The following NEURL4 variants were observed in gnomAD, a reference collection of about 807,000 sequenced individuals.
NEURL4 encodes neuralized-like protein 4.
In NEURL4, 45 loss-of-function variants were observed where a neutral mutation model predicts 148.0. That is an observed-to-expected ratio of 0.30 (90% CI 0.24 to 0.39). The LOEUF is 0.39. NEURL4 is among the 10% of genes least tolerant of loss of function. The pLI is 1.00. For missense variants in NEURL4, 1,776 were observed against 2,144.0 expected, an observed-to-expected ratio of 0.83 and a Z score of 3.39; for synonymous variants, 854 against 869.0, an observed-to-expected ratio of 0.98 and a Z score of 0.30.
chr17:7,329,247 A>ACCCCCCC lies in NEURL4; in HGVS notation c.65_66insGGGGGGG (p.Pro25TrpfsTer49). ...CTGAGCCGCTCCCGCTGGGGCCCCCACCCCCGCCCGGCCCCGGTCCAGGGC... is the reference window on the plus strand; with the variant it reads ...CTGAGCCGCTCCCGCTGGGGCCCCCACCCCCCCCCCCCGCCCGGCCCCGGTCCAGGGC... On this transcript the variant is annotated frameshift_variant, in exon 1 of 29. Coordinates refer to ENST00000399464, the MANE Select transcript of NEURL4 (RefSeq NM_032442.3). LOFTEE classifies it high-confidence loss of function. The ACCCCCCC allele has an allele frequency of 1.8e-6, 1 of 565,896 alleles. No individual in the cohort carries two copies. Among genetic ancestry groups the ACCCCCCC allele is most frequent in the Non-Finnish European group, 2.5e-6 (1 of 393,202 alleles). 35.1% of individuals were successfully genotyped at this position (565,896 alleles called of 1,614,324 possible).
In NEURL4 at chr17:7,326,267, C is replaced by G. The variant is rs2073101982; in HGVS notation, c.1281G>C (p.Leu427=). 9 of 1,613,982 alleles carry G rather than the reference C, an allele frequency of 5.6e-6. No homozygotes were observed. Among genetic ancestry groups the G allele is most frequent in the African/African-American group, 1.3e-5 (1 of 74,914 alleles). ...GCCCCACCCTCACCTGCAACTCATC[C>G]AGACTGAATTCGCAGTACTCCCGGC... is the stretch of plus-strand genomic sequence containing the variant. ...GTRREYCEFS[L]DELQEGDHIG... is the part of the protein sequence containing the mutation. The change falls in exon 6 of 29, where the codon CTG becomes CTC. Residue 427 remains leucine, a synonymous_variant. Transcript: ENST00000399464. This position sits in a 1 kb window ranked among gnomAD's most constrained non-coding sequence, Gnocchi z 6.0.
At position 7,315,969 on chromosome 17, in the gene NEURL4, C is replaced by G; in HGVS notation, c.*154G>C. Reference sequence around the variant, plus strand: ...GACATGGAGCTGTGCCACTTGCCACCTACATCTGAGAGCCTGCCTACATGC... The same window carrying G: ...GACATGGAGCTGTGCCACTTGCCACGTACATCTGAGAGCCTGCCTACATGC... On this transcript the variant is annotated 3_prime_UTR_variant, in exon 29 of 29. Transcript: ENST00000399464. 1.6e-6 allele frequency: 1 copy of G among 621,024 alleles called. No homozygotes were observed. Among genetic ancestry groups the G allele is most frequent in the Non-Finnish European group, 2.9e-6 (1 of 342,950 alleles). 38.5% of individuals were successfully genotyped at this position (621,024 alleles called of 1,614,324 possible).
In NEURL4 at chr17:7,324,656, C is replaced by T; in HGVS notation, c.1813+143G>A. The T allele has an allele frequency of 9.3e-7, 1 of 1,077,766 alleles. No individual in the cohort carries two copies. 66.8% of individuals were successfully genotyped at this position (1,077,766 alleles called of 1,614,324 possible). The stretch of plus-strand genomic sequence containing the variant: ...TGCAGCTTCCAAGACAGCCACAGCC[C>T]TGCCCACGGGACACTCTCTAGCCAC... On this transcript the variant is annotated intron_variant, in intron 9 of 28. Transcript: ENST00000399464. The surrounding 1 kb of genome is among the most constrained non-coding windows in gnomAD (Gnocchi z 5.9).
Position 7,326,907 on chromosome 17 carries a change from T to C in NEURL4, c.896A>G (p.Glu299Gly), listed in dbSNP as rs1597639420. The C allele has an allele frequency of 6.2e-7, 1 of 1,613,902 alleles. No homozygotes were observed. The highest frequency in any genetic ancestry group is 8.5e-7 in the Non-Finnish European group (1 of 1,179,966). The change falls in exon 4 of 29, where the codon GAA (glutamate) becomes GGA (glycine). Residue 299 changes from glutamate (E) to glycine (G), a missense_variant. By Grantham distance (98) the Glu-to-Gly change is moderately conservative (BLOSUM62 -2). Coordinates refer to ENST00000399464, the MANE Select transcript of NEURL4 (RefSeq NM_032442.3). This position sits in a 1 kb window ranked among gnomAD's most constrained non-coding sequence, Gnocchi z 6.0. ...NVNLSSPPAG[E>G]GLGSSGAATS... ...GGCAGCACCGCTAGATCCCAGGCCT[T>C]CCCCTGCCGGTGGGGAGCTCAGGTT...
chr17:7,321,723 G>A lies in NEURL4; in HGVS notation c.2936C>T (p.Ala979Val). The change falls in exon 18 of 29, where the codon GCA (alanine) becomes GTA (valine). Residue 979 changes from alanine to valine, a missense_variant. Coordinates refer to ENST00000399464, the MANE Select transcript of NEURL4 (RefSeq NM_032442.3). This position sits in a 1 kb window ranked among gnomAD's most constrained non-coding sequence, Gnocchi z 6.3. ...TGCCCCGGGTCCCATCTCCCCCGGT[G>A]CTAGTGTGGTCAGCCCCAGCCGCAG... is the stretch of plus-strand genomic sequence containing the variant. ...GSLRLGLTTL[A>V]PGEMGPGAGG... 1 of 1,613,726 alleles carries A rather than the reference G, an allele frequency of 6.2e-7. No homozygotes were observed. The highest frequency in any genetic ancestry group is 8.5e-7 in the Non-Finnish European group (1 of 1,180,050).
Position 7,317,351 on chromosome 17 carries a change from G to A in NEURL4, c.4338C>T (p.Ser1446=), listed in dbSNP as rs2072962645. ...CAGGTTCTCCCTTCAAAGGACGGCA[G>A]CTCAGGATGGAGGCAGTACCTGGGA... ...ELGAGTASIL[S]CRPLKGEPGV... Residue 1446 remains serine (S), a synonymous_variant, in exon 28 of 29, where the codon AGC becomes AGT. Transcript: ENST00000399464. 3 of 1,561,618 alleles carry A rather than the reference G, an allele frequency of 1.9e-6. No homozygotes were observed. In the East Asian group the frequency reaches 6.8e-5, roughly 35 times the overall value.
Position 7,315,808 on chromosome 17 carries a change from C to A in NEURL4, c.*315G>T, listed in dbSNP as rs570001593. The A allele has an allele frequency of 2.7e-4, 138 of 511,896 alleles. No individual in the cohort carries two copies. The highest frequency in any genetic ancestry group is 2.3e-3 in the African/African-American group (117 of 51,166). 31.7% of individuals were successfully genotyped at this position (511,896 alleles called of 1,614,324 possible). Reference sequence around the variant, plus strand: ...GATTCACAGTAACCAGAAACAAAAACGGAAATAAATTAAGTGATGTGGGGT... The same window carrying A: ...GATTCACAGTAACCAGAAACAAAAAAGGAAATAAATTAAGTGATGTGGGGT... On this transcript the variant is annotated 3_prime_UTR_variant, in exon 29 of 29. Coordinates refer to ENST00000399464, the MANE Select transcript of NEURL4 (RefSeq NM_032442.3).
chr17:7,319,403 T>TTA (rs1555539108), intron 21 of NEURL4, among the ~76,000 whole-genome samples, 195 bp from the exon 22 acceptor site: 1 of 131,440 alleles, frequency 7.6e-6, no homozygotes, highest in African/African-American at 3.3e-5. Flanking sequence ...TTTTTTTTTT[T>TTA]AAAAAAAAGA....
In NEURL4 at chr17:7,317,202, C is replaced by T. The variant is rs765693152; in HGVS notation, c.4484+3G>A. Reference sequence around the variant, plus strand: ...ATCTCTCCCCACCCCTCCCAGTACTCACTGCACTTTGGAGGCCAGGGTCTC... The same window carrying T: ...ATCTCTCCCCACCCCTCCCAGTACTTACTGCACTTTGGAGGCCAGGGTCTC... On this transcript the variant is annotated splice_donor_region_variant and intron_variant, in intron 28 of 28. Transcript: ENST00000399464. 1.3e-6 allele frequency: 2 copies of T among 1,506,562 alleles called. No homozygotes were observed. Among genetic ancestry groups the T allele is most frequent in the Non-Finnish European group, 1.8e-6 (2 of 1,130,018 alleles). The allele number at this position is 1,506,562 out of a possible 1,614,324, so 93.3% of individuals were successfully genotyped here. A position where few individuals can be genotyped will look rare whatever the true frequency, so the allele number is the denominator to read the frequency against.
Position 7,322,601 on chromosome 17 carries a change from G to T in NEURL4, c.2725+134C>A. Reference sequence around the variant, plus strand: ...CCCCTCACTGGCTGCTTGCCACCGTGGGCTGTCCCTTCCCTGGAGCCGGCA... The same window carrying T: ...CCCCTCACTGGCTGCTTGCCACCGTTGGCTGTCCCTTCCCTGGAGCCGGCA... On this transcript the variant is annotated intron_variant, in intron 16 of 28. Coordinates refer to ENST00000399464, the MANE Select transcript of NEURL4 (RefSeq NM_032442.3). The surrounding 1 kb of genome is among the most constrained non-coding windows in gnomAD (Gnocchi z 5.5). The T allele has an allele frequency of 1.7e-6, 2 of 1,168,376 alleles. No individual in the cohort carries two copies. Among genetic ancestry groups the T allele is most frequent in the African/African-American group, 1.5e-5 (1 of 65,892 alleles). 72.4% of individuals were successfully genotyped at this position (1,168,376 alleles called of 1,614,324 possible). A position where few individuals can be genotyped will look rare whatever the true frequency, so the allele number is the denominator to read the frequency against.
Position 7,324,768 on chromosome 17 carries a change from T to C in NEURL4, c.1813+31A>G, listed in dbSNP as rs2073079178. The C allele has an allele frequency of 6.2e-7, 1 of 1,612,198 alleles. No homozygotes were observed. The highest frequency in any genetic ancestry group is 8.5e-7 in the Non-Finnish European group (1 of 1,178,430). ...TGGGGATAGCTTCCCCCCAAAACCCTATCCTGTCCCTGCCCTTCCTGGGAG... is the reference window on the plus strand; with the variant it reads ...TGGGGATAGCTTCCCCCCAAAACCCCATCCTGTCCCTGCCCTTCCTGGGAG... On this transcript the variant is annotated intron_variant, in intron 9 of 28. Coordinates refer to ENST00000399464, the MANE Select transcript of NEURL4 (RefSeq NM_032442.3). The surrounding 1 kb of genome is among the most constrained non-coding windows in gnomAD (Gnocchi z 5.9).
At position 7,321,046 on chromosome 17, in the gene NEURL4, C is replaced by T. The variant is rs1409859202; in HGVS notation, c.3360+66G>A. On this transcript the variant is annotated intron_variant, in intron 20 of 28. Transcript: ENST00000399464. The surrounding 1 kb of genome is among the most constrained non-coding windows in gnomAD (Gnocchi z 6.3). ...CAACGATCAGAGAACCCAGAAAAGGCCTGGCATCCAACGGCCCAGCAACTG... is the reference window on the plus strand; with the variant it reads ...CAACGATCAGAGAACCCAGAAAAGGTCTGGCATCCAACGGCCCAGCAACTG... 1.3e-5 allele frequency: 21 copies of T among 1,594,854 alleles called. No individual in the cohort carries two copies. The highest frequency in any genetic ancestry group is 1.8e-5 in the Non-Finnish European group (21 of 1,168,330).
Position 7,326,955 on chromosome 17 carries a change from T to C in NEURL4, c.848A>G (p.Tyr283Cys), listed in dbSNP as rs2073110686. 5.6e-6 allele frequency: 9 copies of C among 1,613,580 alleles called. No homozygotes were observed. Among genetic ancestry groups the C allele is most frequent in the Non-Finnish European group, 5.9e-6 (7 of 1,180,000 alleles). The change falls in exon 4 of 29, where the codon TAC becomes TGC. Residue 283 changes from tyrosine (Y) to cysteine (C), a missense_variant. Physicochemically the swap from Tyr to Cys is radical, Grantham distance 194 (BLOSUM62 -2). Coordinates refer to ENST00000399464, the MANE Select transcript of NEURL4 (RefSeq NM_032442.3). This position sits in a 1 kb window ranked among gnomAD's most constrained non-coding sequence, Gnocchi z 6.0. ...EVVSNTILSA[Y>C]NGGLLNVNLS... ...GTTCACATTCAGGAGCCCTCCATTG[T>C]AGGCAGACAGGATGGTGTTGCTCAC...
rs750421273 is a variant in NEURL4, at chr17:7,318,704, G to A, written c.3685-30C>T. On this transcript the variant is annotated intron_variant, in intron 22 of 28. Transcript: ENST00000399464. The surrounding 1 kb of genome is among the most constrained non-coding windows in gnomAD (Gnocchi z 4.3). ...GAGGAGAGACCGGCTGTCTTCCAGA[G>A]GTCAGACTCCACCGCGGCAGCTGTC... The A allele has an allele frequency of 6.3e-7, 1 of 1,576,734 alleles. No homozygotes were observed. Among genetic ancestry groups the A allele is most frequent in the South Asian group, 1.2e-5 (1 of 86,822 alleles).
chr17:7,326,565 G>C lies in NEURL4; in HGVS notation c.1093-17C>G. The C allele has an allele frequency of 8.7e-6, 14 of 1,612,682 alleles. No homozygotes were observed. The highest frequency in any genetic ancestry group is 1.2e-5 in the Non-Finnish European group (14 of 1,178,708). On this transcript the variant is annotated splice_polypyrimidine_tract_variant and intron_variant, in intron 4 of 28. Coordinates refer to ENST00000399464, the MANE Select transcript of NEURL4 (RefSeq NM_032442.3). This position sits in a 1 kb window ranked among gnomAD's most constrained non-coding sequence, Gnocchi z 6.0. ...GATACGGATCTGGCATTGAGGGACA[G>C]AAGGGAGAAGCAGGGAATGTAAATG...
rs1401091713 is a variant in NEURL4, at chr17:7,322,784, C to T, written c.2676G>A (p.Leu892=). The T allele has an allele frequency of 2.5e-6, 4 of 1,613,476 alleles. No individual in the cohort carries two copies. Among genetic ancestry groups the T allele is most frequent in the Non-Finnish European group, 3.4e-6 (4 of 1,179,880 alleles). Residue 892 remains leucine (L), a synonymous_variant, in exon 16 of 29, where the codon CTG becomes CTA. Transcript: ENST00000399464. The surrounding 1 kb of genome is among the most constrained non-coding windows in gnomAD (Gnocchi z 5.5). ...TNATGPMDNS[L]ATSNTATEKS... ...TCTCGGTGGCAGTGTTGCTGGTCGC[C>T]AGGCTGTTGTCCATGGGGCCGGTGG...
Position 7,315,952 on chromosome 17 carries a change from G to A in NEURL4, c.*171C>T. The A allele has an allele frequency of 1.6e-6, 1 of 610,458 alleles. No homozygotes were observed. The highest frequency in any genetic ancestry group is 1.8e-5 in the African/African-American group (1 of 54,398). 37.8% of individuals were successfully genotyped at this position (610,458 alleles called of 1,614,324 possible). On this transcript the variant is annotated 3_prime_UTR_variant, in exon 29 of 29. Coordinates refer to ENST00000399464, the MANE Select transcript of NEURL4 (RefSeq NM_032442.3). Reference sequence around the variant, plus strand: ...GGAGTGCTGGGCCTCCGGACATGGAGCTGTGCCACTTGCCACCTACATCTG... The same window carrying A: ...GGAGTGCTGGGCCTCCGGACATGGAACTGTGCCACTTGCCACCTACATCTG...
At chr17:7,317,687 TAGAC>T (rs2072968834) in intron 26 of NEURL4, 97 bp downstream of exon 26, 20 of 1,571,206 alleles carry the variant, frequency 1.3e-5, no homozygotes, top group Non-Finnish European at 1.7e-5. Context: ...GGCTTTTCCT[TAGAC>T]AGGAAGTTCT....
In NEURL4 at chr17:7,327,063, C is replaced by T; in HGVS notation, c.794-54G>A. 2 of 1,599,246 alleles carry T rather than the reference C, an allele frequency of 1.3e-6. No individual in the cohort carries two copies. Among genetic ancestry groups the T allele is most frequent in the East Asian group, 2.2e-5 (1 of 44,830 alleles). ...TCGGAAGTTGGGATGAGGCTCTACA[C>T]CCCCAGACCTGGTGCCTCTCTCCCT... On this transcript the variant is annotated intron_variant, in intron 3 of 28. Transcript: ENST00000399464. The surrounding 1 kb of genome is among the most constrained non-coding windows in gnomAD (Gnocchi z 6.6).
Sources: gnomAD v4.1 joint callset for allele counts (sites outside exome capture counted in the v4.1 genomes callset) on GRCh38, gnomAD v4.1.1 for gene constraint, Gnocchi (gnomAD v3.1) non-coding constraint, MANE v1.5 for transcripts, NCBI Gene and HGNC (gene_info 2026-07-23, HGNC 2026-07-21) for gene names.